The following MED12L variants were observed in gnomAD, a reference collection of about 807,000 sequenced individuals.
The protein encoded by MED12L is mediator of RNA polymerase II transcription subunit 12-like protein.
MED12L carries 60 observed loss-of-function variants against 281.3 expected under a neutral mutation model. That is an observed-to-expected ratio of 0.21 (90% CI 0.17 to 0.26). The LOEUF is 0.26. Ranked by LOEUF, MED12L falls within the 10% of genes least tolerant of loss-of-function variation. The pLI is 1.00. For synonymous variants in MED12L, 974 were observed against 987.2 expected (o/e 0.99, Z 0.25); for missense variants, 2,146 against 2,680.9 (o/e 0.80, Z 4.41).
intron 16 of MED12L, among the ~76,000 whole-genome samples, chr3:151,296,802 C>T (rs992604418): frequency 4.6e-5 from 7 of 151,928 alleles, no homozygotes. Context: ...TTTTACTTCC[C>T]TGTAATTAAT....
At chr3:151,405,305 G>T (rs180814494) in intron 39 of MED12L, among the ~76,000 whole-genome samples, 1 of 152,298 alleles carries the variant, frequency 6.6e-6, no homozygotes, top group Admixed American at 6.5e-5. Flanking sequence ...TGTAGAGATG[G>T]GCTTATACAA....
At chr3:151,208,535 A>T (rs1726685315) in intron 16 of MED12L, among the ~76,000 whole-genome samples, 1 of 152,148 alleles carries the variant, frequency 6.6e-6, no homozygotes, top group Non-Finnish European at 1.5e-5. Context: ...TACAAAAATT[A>T]GCCAGGCGTG....
chr3:151,128,425 A>G (rs1714860109), intron 5 of MED12L, among the ~76,000 whole-genome samples: 1 of 152,194 alleles, frequency 6.6e-6, no homozygotes, highest in Non-Finnish European at 1.5e-5. Flanking sequence ...TACAGTGGGA[A>G]TACAGATCCA....
intron 39 of MED12L, among the ~76,000 whole-genome samples, 160 bp from the exon 40 acceptor site, chr3:151,409,081 CAT>C (rs1716670491): frequency 6.6e-6 from 1 of 152,188 alleles, no homozygotes; most frequent in Non-Finnish European, 1.5e-5. Context: ...AGTCTAAACA[CAT>C]AGGATATTGA....
intron 11 of MED12L, among the ~76,000 whole-genome samples, chr3:151,170,657 T>C (rs755159817): frequency 6.6e-6 from 1 of 152,196 alleles, no homozygotes; most frequent in Non-Finnish European, 1.5e-5. Flanking sequence ...GTCTGGGCTT[T>C]TGGGTATAAT....
chr3:151,340,068 A>G (rs1560049105), intron 16 of MED12L, among the ~76,000 whole-genome samples: 1 of 152,164 alleles, frequency 6.6e-6, no homozygotes, highest in Non-Finnish European at 1.5e-5. Context: ...ACGATTAAGA[A>G]TCATGTTGTC....
chr3:151,416,194 G>A, intron 42 of MED12L, 118 bp from the exon 43 acceptor site: 1 of 1,544,700 alleles, frequency 6.5e-7, no homozygotes, highest in Non-Finnish European at 8.9e-7. Context: ...CAGCAGGCAG[G>A]TATATATTGT....
chr3:151,359,235 A>G (rs1247939196), intron 20 of MED12L, among the ~76,000 whole-genome samples: 6 of 152,124 alleles, frequency 3.9e-5, no homozygotes, highest in East Asian at 1.9e-4. Context: ...AGCTACATCT[A>G]TATTGCTGCA....
At chr3:151,369,747 TG>T (rs1294554174) in intron 26 of MED12L, among the ~76,000 whole-genome samples, 198 bp downstream of exon 26, 1 of 152,186 alleles carries the variant, frequency 6.6e-6, no homozygotes, top group Non-Finnish European at 1.5e-5. Flanking sequence ...CTAGTGTCTC[TG>T]GGGGAACTTA....
intron 5 of MED12L, among the ~76,000 whole-genome samples, chr3:151,155,372 T>G (rs1173259119): frequency 6.6e-6 from 1 of 152,250 alleles, no homozygotes; most frequent in Non-Finnish European, 1.5e-5. Context: ...CAGACATTTT[T>G]GAACAATTTC....
At chr3:151,198,777 G>A (rs756671695) in intron 16 of MED12L, 3 of 1,613,514 alleles carry the variant, frequency 1.9e-6, no homozygotes, top group South Asian at 1.1e-5. Flanking sequence ...TAGAGCTGTC[G>A]AATTACAAGG....
chr3:151,135,595 C>T (rs932937319), intron 5 of MED12L, among the ~76,000 whole-genome samples: 2 of 152,154 alleles, frequency 1.3e-5, no homozygotes, highest in Non-Finnish European at 1.5e-5. Context: ...GGAGTTGGAT[C>T]CCTGCCCAGG....
chr3:151,159,067 G>A (rs1260447245), intron 7 of MED12L, among the ~76,000 whole-genome samples: 39 of 152,156 alleles, frequency 2.6e-4, no homozygotes, highest in Admixed American at 2.2e-3. Flanking sequence ...ACTGAGCAAA[G>A]CAACCAACTT....
At chr3:151,327,773 A>C in intron 16 of MED12L, 1 of 381,530 alleles carries the variant, frequency 2.6e-6, no homozygotes, top group Non-Finnish European at 4.6e-6. Context: ...AATGACCTCT[A>C]GTGGCCATTT....
chr3:151,134,669 G>A (rs1410290522), intron 5 of MED12L, among the ~76,000 whole-genome samples: 1 of 152,208 alleles, frequency 6.6e-6, no homozygotes, highest in African/African-American at 2.4e-5. Flanking sequence ...GATTCACAGA[G>A]GAAGTGACTT....
intron 43 of MED12L, among the ~76,000 whole-genome samples, chr3:151,420,038 C>T (rs574706356): frequency 2.0e-5 from 3 of 152,312 alleles, no homozygotes; most frequent in Admixed American, 6.5e-5. Context: ...GCACGCACCT[C>T]AGCAGGTCGT....
intron 16 of MED12L, among the ~76,000 whole-genome samples, chr3:151,220,463 C>T (rs1273918501): frequency 2.6e-5 from 4 of 152,148 alleles, no homozygotes; most frequent in South Asian, 2.1e-4. Flanking sequence ...GAGTTTGGCA[C>T]GTGATATGGT....
rs1317690267 is a variant in MED12L at position 151,330,549 on chromosome 3, C to T, written c.2251-19510C>T. Among the ~76,000 whole-genome samples the T allele has an allele frequency of 2.6e-5, 4 of 152,070 alleles. No individual in the cohort carries two copies. The South Asian group carries it at 6.2e-4, about 24-fold the overall frequency. On this transcript the variant is annotated intron_variant, in intron 16 of 44. Coordinates refer to ENST00000687756, the MANE Select transcript of MED12L (RefSeq NM_001393769.1). ...GAAAAGCGGAAATTAGGAGATCTTA[C>T]GGAGGATGTGGAGTTCATGGTGAGT... is the stretch of plus-strand genomic sequence containing the variant.
intron 16 of MED12L, among the ~76,000 whole-genome samples, chr3:151,245,195 G>A (rs1467368956): frequency 3.3e-5 from 5 of 152,186 alleles, no homozygotes; most frequent in African/African-American, 9.7e-5. Flanking sequence ...GAGGTATAAG[G>A]AGGAACTGGT....
Sources: allele counts gnomAD v4.1 joint callset (sites outside exome capture counted in the v4.1 genomes callset), GRCh38; gene constraint gnomAD v4.1.1; transcripts MANE v1.5; gene names NCBI Gene and HGNC (gene_info 2026-07-23, HGNC 2026-07-21).